SPAG16: variants seen among roughly 807,000 people sequenced by gnomAD.
SPAG16 encodes the protein sperm associated antigen 16.
In SPAG16, 86 loss-of-function variants were observed where a neutral mutation model predicts 80.4. The ratio of observed to expected loss-of-function variants is 1.07; its 90% CI spans 0.90 to 1.28. The LOEUF is 1.28. Ranked by LOEUF, SPAG16 falls within the 50% of genes most tolerant of loss-of-function variation. SPAG16 has a pLI of 0.00. For synonymous variants in SPAG16, 294 were observed against 265.9 expected, an observed-to-expected ratio of 1.11 and a Z score of -1.03; for missense variants, 870 against 765.3, an observed-to-expected ratio of 1.14 and a Z score of -1.61.
intron 6 of SPAG16, among the ~76,000 whole-genome samples, chr2:213,348,920 T>G (rs1364867754): frequency 6.6e-6 from 1 of 152,172 alleles, no homozygotes; most frequent in African/African-American, 2.4e-5. Flanking sequence ...ACTTTGCTCT[T>G]TCCAGTGCAC....
intron 15 of SPAG16, among the ~76,000 whole-genome samples, chr2:214,243,547 T>C (rs1358180103): frequency 1.3e-5 from 2 of 152,094 alleles, no homozygotes; most frequent in Non-Finnish European, 2.9e-5. Context: ...TATATAAATA[T>C]TCACATAAAA....
chr2:213,286,116 C>T (rs558538964), intron 1 of SPAG16, among the ~76,000 whole-genome samples: 15 of 152,314 alleles, frequency 9.8e-5, no homozygotes, highest in African/African-American at 3.4e-4. Flanking sequence ...CACTGAGTCA[C>T]ACCTGCCAAG....
chr2:213,401,184 ACT>A (rs1440050553), intron 9 of SPAG16, among the ~76,000 whole-genome samples: 1 of 152,190 alleles, frequency 6.6e-6, no homozygotes, highest in Non-Finnish European at 1.5e-5. Flanking sequence ...GAGAAACCTG[ACT>A]CTACAGAAGC....
chr2:213,886,156 A>T (rs77021488), intron 11 of SPAG16, among the ~76,000 whole-genome samples: 2,830 of 152,168 alleles, frequency 0.019, 94 homozygotes, highest in African/African-American at 0.065. Context: ...TTCTGTCAGG[A>T]TTGGAATCTT....
intron 15 of SPAG16, among the ~76,000 whole-genome samples, chr2:214,246,942 A>G (rs1421813302): frequency 1.3e-5 from 2 of 152,196 alleles, no homozygotes; most frequent in Non-Finnish European, 2.9e-5. Context: ...AAGTGCCTTG[A>G]ATTGTTTCAG....
At chr2:214,356,194 A>G (rs1327093545) in intron 15 of SPAG16, among the ~76,000 whole-genome samples, 7 of 152,014 alleles carry the variant, frequency 4.6e-5, no homozygotes, top group Non-Finnish European at 1.0e-4. Flanking sequence ...TATAATAATA[A>G]TAAAATTTAA....
chr2:213,780,868 A>G (rs933942608), intron 10 of SPAG16, among the ~76,000 whole-genome samples: 2 of 152,110 alleles, frequency 1.3e-5, no homozygotes, highest in Non-Finnish European at 2.9e-5. Context: ...CACACACATA[A>G]TAATAAAGGG....
At chr2:213,644,046 GC>G (rs1437079968) in intron 10 of SPAG16, among the ~76,000 whole-genome samples, 2 of 151,158 alleles carry the variant, frequency 1.3e-5, no homozygotes, top group African/African-American at 2.4e-5. Flanking sequence ...CTCCCAAAAT[GC>G]TGGGATTACA....
chr2:214,274,932 T>G (rs1001178603), intron 15 of SPAG16, among the ~76,000 whole-genome samples: 1 of 152,146 alleles, frequency 6.6e-6, no homozygotes, highest in African/African-American at 2.4e-5. Flanking sequence ...GTCCTAAACT[T>G]TTTTTGGTTG....
chr2:213,992,056 G>T lies in SPAG16; in HGVS notation c.1401-21895G>T, dbSNP rs77517480. On this transcript the variant is annotated intron_variant, in intron 12 of 15. Coordinates refer to ENST00000331683, the MANE Select transcript of SPAG16 (RefSeq NM_024532.5). ...ATACTCATAAAGAAAGAAAAAGCCT[G>T]TTAATATATTTTACAATTTTTCTTA... 6.3e-3 allele frequency among the ~76,000 whole-genome samples: 954 copies of T among 151,830 alleles called. 7 individuals are homozygous for T. Among genetic ancestry groups the T allele is most frequent in the African/African-American group, 0.022 (914 of 41,404 alleles).
At chr2:213,566,878 G>T (rs1038378995) in intron 10 of SPAG16, among the ~76,000 whole-genome samples, 18 of 152,140 alleles carry the variant, frequency 1.2e-4, no homozygotes, top group African/African-American at 4.3e-4. Context: ...TTAATAGATT[G>T]TGACACCAAA....
chr2:213,438,197 T>C (rs981165897), intron 9 of SPAG16, among the ~76,000 whole-genome samples: 2 of 152,230 alleles, frequency 1.3e-5, no homozygotes, highest in Admixed American at 1.3e-4. Context: ...ATCTTAGCCC[T>C]ATATTTATAG....
chr2:214,202,597 T>C (rs190447912), intron 15 of SPAG16, among the ~76,000 whole-genome samples: 19 of 152,186 alleles, frequency 1.2e-4, no homozygotes, highest in Admixed American at 9.2e-4. Context: ...CCAAAATCCA[T>C]AGAGGTAGGG....
At chr2:213,311,090 T>C (rs981732587) in intron 4 of SPAG16, among the ~76,000 whole-genome samples, 7 of 151,858 alleles carry the variant, frequency 4.6e-5, no homozygotes, top group African/African-American at 1.7e-4. Context: ...TTATTTTAAA[T>C]TGCACATGTA....
rs145636694 is a variant in SPAG16 at position 213,461,859 on chromosome 2, G to T, written c.943-28104G>T. Among the ~76,000 whole-genome samples the T allele has an allele frequency of 2.3e-3, 346 of 152,156 alleles. 1 individual carries two copies. Among genetic ancestry groups the T allele is most frequent in the Middle Eastern group, 0.01 (3 of 294 alleles). ...AAGATACAGATGGTTATGGACTCAG[G>T]AGAAGCTCAATGTTTCAGGGACATG... On this transcript the variant is annotated intron_variant, in intron 9 of 15. Transcript: ENST00000331683.
chr2:214,178,576 A>C (rs189527587), intron 15 of SPAG16, among the ~76,000 whole-genome samples: 11 of 151,426 alleles, frequency 7.3e-5, no homozygotes, highest in African/African-American at 2.7e-4. Context: ...ATGATCTTTA[A>C]GTCTATATTG....
At chr2:213,669,212 T>G (rs1227777455) in intron 10 of SPAG16, among the ~76,000 whole-genome samples, 3 of 152,220 alleles carry the variant, frequency 2.0e-5, no homozygotes, top group Non-Finnish European at 2.9e-5. Flanking sequence ...ATGTGAAAAT[T>G]GTAGTTGCCT....
intron 9 of SPAG16, among the ~76,000 whole-genome samples, chr2:213,386,064 A>G (rs2067413542): frequency 1.3e-5 from 2 of 152,210 alleles, no homozygotes; most frequent in Non-Finnish European, 2.9e-5. Context: ...TTTCACAAAC[A>G]TTAATTTCTT....
chr2:213,774,934 C>T (rs948113307), intron 10 of SPAG16, among the ~76,000 whole-genome samples: 2 of 152,162 alleles, frequency 1.3e-5, no homozygotes, highest in African/African-American at 4.8e-5. Context: ...CTCATATCTC[C>T]TACTCAGCTC....
Sources: allele counts gnomAD v4.1 joint callset (sites outside exome capture counted in the v4.1 genomes callset), GRCh38; gene constraint gnomAD v4.1.1; transcripts MANE v1.5; gene names NCBI Gene and HGNC (gene_info 2026-07-23, HGNC 2026-07-21).